The following PITPNC1 variants were observed in gnomAD, a reference collection of about 807,000 sequenced individuals.
The protein encoded by PITPNC1 is cytoplasmic phosphatidylinositol transfer protein 1.
A neutral mutation model predicts 44.7 loss-of-function variants in PITPNC1; 18 were observed. The ratio of observed to expected loss-of-function variants is 0.40; its 90% CI spans 0.28 to 0.60. The LOEUF (loss-of-function observed/expected upper bound fraction) is 0.60, where lower values mean the gene tolerates loss of function less well. Ranked by LOEUF, PITPNC1 falls within the 20% of genes least tolerant of loss-of-function variation. PITPNC1 has a pLI of 0.39. For synonymous variants in PITPNC1, 141 were observed against 149.6 expected (o/e 0.94, Z 0.42); for missense variants, 290 against 418.4 (o/e 0.69, Z 2.68).
intron 8 of PITPNC1, among the ~76,000 whole-genome samples, chr17:67,679,333 G>GA (rs1258561014): frequency 6.6e-6 from 1 of 151,996 alleles, no homozygotes; most frequent in Admixed American, 6.6e-5. Flanking sequence ...GTGAGAATTA[G>GA]AAAAAAAAGC....
intron 5 of PITPNC1, among the ~76,000 whole-genome samples, chr17:67,619,333 AG>A (rs2041800935): frequency 6.6e-6 from 1 of 151,936 alleles, no homozygotes; most frequent in Non-Finnish European, 1.5e-5. Flanking sequence ...TTAATTTAAT[AG>A]AGAGAAATAT....
intron 5 of PITPNC1, among the ~76,000 whole-genome samples, chr17:67,619,171 G>A (rs2041798890): frequency 6.6e-6 from 1 of 152,158 alleles, no homozygotes; most frequent in African/African-American, 2.4e-5. Context: ...CTTCTAACAG[G>A]CATGTCCATG....
rs2042985400 is a variant in PITPNC1 at position 67,694,849 on chromosome 17, G to C, written c.*1961G>C. The C allele has an allele frequency of 6.6e-6, 1 of 152,176 alleles. No individual in the cohort carries two copies. Among genetic ancestry groups the C allele is most frequent in the Admixed American group, 6.5e-5 (1 of 15,278 alleles). 9.4% of individuals were successfully genotyped at this position (152,176 alleles called of 1,614,324 possible). A position where few individuals can be genotyped will look rare whatever the true frequency, so the allele number is the denominator to read the frequency against. ...CTTAATGAAAATGTTTTGCTTTAGAGAGCAAAATGCTACTTTCAGAAGACA... is the reference window on the plus strand; with the variant it reads ...CTTAATGAAAATGTTTTGCTTTAGACAGCAAAATGCTACTTTCAGAAGACA... On this transcript the variant is annotated 3_prime_UTR_variant, in exon 9 of 9. Transcript: ENST00000581322.
chr17:67,680,103 A>C lies in PITPNC1; in HGVS notation c.682+4561A>C, dbSNP rs2042674752. Among the ~76,000 whole-genome samples the C allele has an allele frequency of 2.0e-5, 3 of 152,210 alleles. No individual in the cohort carries two copies. The South Asian group carries it at 6.2e-4, about 32-fold the overall frequency. On this transcript the variant is annotated intron_variant, in intron 8 of 8. Coordinates refer to ENST00000581322, the MANE Select transcript of PITPNC1 (RefSeq NM_012417.4). ...GTCTAACAATGAGGGAGGCAAGATTAAAATGGAGAAAGAAGCCTGCTAGGG... is the reference window on the plus strand; with the variant it reads ...GTCTAACAATGAGGGAGGCAAGATTCAAATGGAGAAAGAAGCCTGCTAGGG...
intron 1 of PITPNC1, among the ~76,000 whole-genome samples, chr17:67,445,007 G>T (rs1243095391): frequency 2.0e-5 from 3 of 151,344 alleles, no homozygotes; most frequent in Non-Finnish European, 2.9e-5. Flanking sequence ...TATATGTCTT[G>T]TTTTTTTTAG....
chr17:67,383,809 C>T (rs1027047488), intron 1 of PITPNC1, among the ~76,000 whole-genome samples: 1 of 152,150 alleles, frequency 6.6e-6, no homozygotes, highest in Non-Finnish European at 1.5e-5. Context: ...GAGGCTGAGG[C>T]GGGTGGATCA....
chr17:67,414,627 A>G (rs754418685), intron 1 of PITPNC1, among the ~76,000 whole-genome samples: 2 of 152,198 alleles, frequency 1.3e-5, no homozygotes, highest in East Asian at 3.8e-4. Context: ...TTGTGTTACA[A>G]TGGCAGAGTT....
chr17:67,679,546 A>G (rs2042665494), intron 8 of PITPNC1, among the ~76,000 whole-genome samples: 1 of 152,246 alleles, frequency 6.6e-6, no homozygotes, highest in Non-Finnish European at 1.5e-5. Context: ...CTTAATTAAG[A>G]GTCAAGAAAA....
chr17:67,661,491 A>G (rs1022852559), intron 6 of PITPNC1, among the ~76,000 whole-genome samples: 2 of 152,120 alleles, frequency 1.3e-5, no homozygotes, highest in Non-Finnish European at 2.9e-5. Flanking sequence ...TTCCTGCAAC[A>G]GAGACCAAGA....
intron 4 of PITPNC1, among the ~76,000 whole-genome samples, chr17:67,569,426 GTTC>G (rs1438349932): frequency 6.6e-6 from 1 of 152,124 alleles, no homozygotes; most frequent in Non-Finnish European, 1.5e-5. Context: ...CTTTCCTGGC[GTTC>G]TTCTTCCCCA....
intron 5 of PITPNC1, among the ~76,000 whole-genome samples, chr17:67,595,406 A>G (rs1469429607): frequency 6.6e-6 from 1 of 151,906 alleles, no homozygotes; most frequent in Non-Finnish European, 1.5e-5. Flanking sequence ...CCTGGATGCC[A>G]TCTATCTGAT....
intron 6 of PITPNC1, among the ~76,000 whole-genome samples, chr17:67,646,283 C>A (rs1348403495): frequency 6.6e-6 from 1 of 152,206 alleles, no homozygotes; most frequent in Non-Finnish European, 1.5e-5. Context: ...TAAGACCTGA[C>A]AGAGCGATTG....
chr17:67,490,308 A>G (rs2039845786), intron 1 of PITPNC1, among the ~76,000 whole-genome samples: 1 of 152,040 alleles, frequency 6.6e-6, no homozygotes, highest in African/African-American at 2.4e-5. Flanking sequence ...ATAATGAATT[A>G]TTTAACTTGG....
chr17:67,431,411 T>C (rs973812112), intron 1 of PITPNC1, among the ~76,000 whole-genome samples: 1 of 152,098 alleles, frequency 6.6e-6, no homozygotes, highest in Non-Finnish European at 1.5e-5. Flanking sequence ...TTCTCCACCC[T>C]TTACCGCTGA....
At chr17:67,511,023 A>G (rs1165889178) in intron 1 of PITPNC1, among the ~76,000 whole-genome samples, 1 of 152,064 alleles carries the variant, frequency 6.6e-6, no homozygotes, top group African/African-American at 2.4e-5. Context: ...AATGGACAAT[A>G]TATTTTTTTA....
intron 1 of PITPNC1, among the ~76,000 whole-genome samples, chr17:67,409,071 C>CATTT (rs1313763889): frequency 1.2e-5 from 1 of 80,512 alleles, no homozygotes; most frequent in Non-Finnish European, 2.2e-5. Flanking sequence ...CAAATTCATT[C>CATTT]TTTTTTTTTT....
chr17:67,414,550 C>T (rs2038557568), intron 1 of PITPNC1, among the ~76,000 whole-genome samples: 1 of 152,090 alleles, frequency 6.6e-6, no homozygotes, highest in South Asian at 2.1e-4. Flanking sequence ...TCCAGCCCAT[C>T]ACCTCTTCTT....
chr17:67,633,110 G>A (rs1359111990), intron 6 of PITPNC1, among the ~76,000 whole-genome samples: 2 of 152,160 alleles, frequency 1.3e-5, no homozygotes, highest in Non-Finnish European at 2.9e-5. Context: ...ATTAATGGCT[G>A]CTGACGGAAC....
chr17:67,443,858 C>G (rs1225333617), intron 1 of PITPNC1, among the ~76,000 whole-genome samples: 1 of 151,942 alleles, frequency 6.6e-6, no homozygotes, highest in African/African-American at 2.4e-5. Context: ...TGGTCTCGAA[C>G]TCCTGACCTC....
Sources: gnomAD v4.1 joint callset for allele counts (sites outside exome capture counted in the v4.1 genomes callset) on GRCh38, gnomAD v4.1.1 for gene constraint, MANE v1.5 for transcripts, NCBI Gene and HGNC (gene_info 2026-07-23, HGNC 2026-07-21) for gene names.